Variants in PCCA observed in about 807,000 individuals in gnomAD.
PCCA encodes the protein propionyl-CoA carboxylase alpha chain, mitochondrial.
PCCA carries 74 observed loss-of-function variants against 101.3 expected under a neutral mutation model. The observed-to-expected ratio is 0.73, with a 90% CI of 0.61 to 0.89. PCCA has a LOEUF of 0.89. PCCA is among the 40% of genes least tolerant of loss of function. The pLI is 0.00. For synonymous variants in PCCA, 294 were observed against 313.6 expected (o/e 0.94, Z 0.66); for missense variants, 891 against 907.0 (o/e 0.98, Z 0.23).
At chr13:100,223,086 T>G (rs1368123414) in intron 7 of PCCA, among the ~76,000 whole-genome samples, 1 of 152,232 alleles carries the variant, frequency 6.6e-6, no homozygotes, top group African/African-American at 2.4e-5. Flanking sequence ...TTTCATTACC[T>G]TGATCTCAGG....
intron 12 of PCCA, among the ~76,000 whole-genome samples, chr13:100,281,385 A>ATG (rs2064106590): frequency 6.6e-6 from 1 of 152,228 alleles, no homozygotes; most frequent in Admixed American, 6.5e-5. Context: ...AAGACATTAA[A>ATG]TGTGTGTGTA....
At chr13:100,442,494 A>G (rs962376963) in intron 20 of PCCA, among the ~76,000 whole-genome samples, 4 of 152,226 alleles carry the variant, frequency 2.6e-5, no homozygotes, top group African/African-American at 9.7e-5. Context: ...ACATAATACA[A>G]AATTACTTCT....
intron 9 of PCCA, 41 bp from the exon 10 acceptor site, chr13:100,262,688 C>T (rs375388047): frequency 2.9e-6 from 2 of 700,704 alleles, no homozygotes; most frequent in South Asian, 2.8e-5. Context: ...CCCTTCCCCT[C>T]CCTCTCCCCC....
intron 21 of PCCA, among the ~76,000 whole-genome samples, chr13:100,487,677 C>T (rs2152976262): frequency 6.6e-6 from 1 of 152,214 alleles, no homozygotes; most frequent in East Asian, 1.9e-4. Flanking sequence ...TAGCCTTTCC[C>T]AGAGCTCATT....
At chr13:100,283,561 T>G (rs770643695) in intron 12 of PCCA, among the ~76,000 whole-genome samples, 12 of 152,170 alleles carry the variant, frequency 7.9e-5, no homozygotes, top group Non-Finnish European at 1.8e-4. Context: ...AAGATAAGTT[T>G]ATTACCCAGT....
rs763331038 is a variant in PCCA, at chr13:100,400,627, G to GTTTTTTTTTT, written c.1747-25004_1747-25003insTTTTTTTTTT. Among the ~76,000 whole-genome samples, 95 of 80,220 alleles carry GTTTTTTTTTT rather than the reference G, an allele frequency of 1.2e-3. 6 individuals carry two copies. The highest frequency in any genetic ancestry group is 5.3e-3 in the East Asian group (15 of 2,846). The allele number at this position is 80,220 out of a possible 152,430, so 52.6% of individuals were successfully genotyped here. ...TGATGATTGATCTTAGTTCTTTTTA[G>GTTTTTTTTTT]TTCTTTTTTTTTTTTTTTTTGAGAG... On this transcript the variant is annotated intron_variant, in intron 19 of 23. Transcript: ENST00000376285.
Position 100,348,823 on chromosome 13 carries a change from T to C in PCCA, c.1643+8564T>C, listed in dbSNP as rs542217505. 4.3e-3 allele frequency among the ~76,000 whole-genome samples: 255 copies of C among 59,980 alleles called. 11 individuals are homozygous for C. The highest frequency in any genetic ancestry group is 6.0e-3 in the Non-Finnish European group (160 of 26,556). 39.3% of individuals were successfully genotyped at this position (59,980 alleles called of 152,430 possible). On this transcript the variant is annotated intron_variant, in intron 18 of 23. Coordinates refer to ENST00000376285, the MANE Select transcript of PCCA (RefSeq NM_000282.4). The stretch of plus-strand genomic sequence containing the variant: ...TCCTTCCTTCCTTCCTTCCTTTCTT[T>C]CTTTTCTCTCTCTTTTTCTCTTTCT...
chr13:100,474,562 T>C (rs1051204412), intron 21 of PCCA, among the ~76,000 whole-genome samples: 4 of 152,078 alleles, frequency 2.6e-5, no homozygotes, highest in Non-Finnish European at 4.4e-5. Context: ...CATGGCTCAC[T>C]GCAGCCTCGA....
chr13:100,179,538 C>G (rs919648020), intron 6 of PCCA, among the ~76,000 whole-genome samples: 1 of 152,212 alleles, frequency 6.6e-6, no homozygotes, highest in African/African-American at 2.4e-5. Flanking sequence ...GAATACTTGA[C>G]TTGCTACCTA....
intron 6 of PCCA, among the ~76,000 whole-genome samples, chr13:100,157,876 A>G (rs1207094413): frequency 1.3e-5 from 2 of 152,176 alleles, no homozygotes; most frequent in Admixed American, 6.5e-5. Context: ...ATTTTGATTA[A>G]TGTTTGTACA....
chr13:100,454,340 G>A (rs998645608), intron 21 of PCCA, among the ~76,000 whole-genome samples: 2 of 152,130 alleles, frequency 1.3e-5, no homozygotes, highest in Non-Finnish European at 2.9e-5. Flanking sequence ...TCTAATTACT[G>A]TAAAATTCAC....
intron 19 of PCCA, among the ~76,000 whole-genome samples, chr13:100,416,777 C>T (rs148229122): frequency 4.5e-4 from 68 of 151,994 alleles, no homozygotes; most frequent in African/African-American, 1.5e-3. Context: ...CCCGCCTTGG[C>T]CTTCCAAAGT....
At chr13:100,369,297 A>G (rs1354115425) in intron 19 of PCCA, among the ~76,000 whole-genome samples, 1 of 152,220 alleles carries the variant, frequency 6.6e-6, no homozygotes, top group Non-Finnish European at 1.5e-5. Flanking sequence ...TCTTACGGCT[A>G]AATTGCATTG....
At chr13:100,429,829 A>T (rs1200786792) in intron 20 of PCCA, among the ~76,000 whole-genome samples, 1 of 150,702 alleles carries the variant, frequency 6.6e-6, no homozygotes, top group African/African-American at 2.4e-5. Flanking sequence ...CTGGTCTCGA[A>T]CTCCTGACCT....
In PCCA at chr13:100,398,432, G is replaced by A. The variant is rs139657902; in HGVS notation, c.1747-27201G>A. On this transcript the variant is annotated intron_variant, in intron 19 of 23. Coordinates refer to ENST00000376285, the MANE Select transcript of PCCA (RefSeq NM_000282.4). ...TGCAATACAAAAAATATACGCACTT[G>A]CTAGAAGGATATTCTTGCTAGCATT... is the stretch of plus-strand genomic sequence containing the variant. Among the ~76,000 whole-genome samples the A allele has an allele frequency of 1.4e-3, 207 of 152,256 alleles. 6 individuals are homozygous for A. The South Asian group carries it at 0.031, about 23-fold the overall frequency.
intron 12 of PCCA, among the ~76,000 whole-genome samples, chr13:100,278,989 G>A (rs1477155106): frequency 6.6e-6 from 1 of 152,098 alleles, no homozygotes; most frequent in Non-Finnish European, 1.5e-5. Context: ...AACTCATAAT[G>A]ATATGAATCA....
At chr13:100,410,554 G>A (rs369834478) in intron 19 of PCCA, among the ~76,000 whole-genome samples, 69 of 152,310 alleles carry the variant, frequency 4.5e-4, no homozygotes, top group African/African-American at 1.6e-3. Flanking sequence ...CAGGAAAATT[G>A]TAAAGTCTAC....
intron 18 of PCCA, among the ~76,000 whole-genome samples, chr13:100,348,251 G>A (rs1013378115): frequency 6.6e-6 from 1 of 152,012 alleles, no homozygotes; most frequent in Non-Finnish European, 1.5e-5. Flanking sequence ...TTCTCTATGG[G>A]CTTCACTCTT....
chr13:100,117,823 G>GA (rs577679851), intron 4 of PCCA, among the ~76,000 whole-genome samples: 12 of 150,182 alleles, frequency 8.0e-5, no homozygotes, highest in Non-Finnish European at 1.3e-4. Flanking sequence ...ACAGGAAAAA[G>GA]AAAAAAAAAG....
Sources: allele counts gnomAD v4.1 joint callset (sites outside exome capture counted in the v4.1 genomes callset), GRCh38; gene constraint gnomAD v4.1.1; transcripts MANE v1.5; gene names NCBI Gene and HGNC (gene_info 2026-07-23, HGNC 2026-07-21).